MIA3: variants seen among roughly 807,000 people sequenced by gnomAD.
MIA3 encodes MIA SH3 domain ER export factor 3, also known as transport and Golgi organization protein 1 homolog.
Under a neutral mutation model 192.4 loss-of-function variants are expected in MIA3, and 90 were observed. The observed-to-expected ratio is 0.47, with a 90% confidence interval of 0.39 to 0.56. The LOEUF is 0.56. MIA3 is among the 20% of genes least tolerant of loss of function. The probability of loss-of-function intolerance (pLI) is 0.00; values close to 1 mark genes in which losing one functional copy is unlikely to be tolerated. For synonymous variants in MIA3, 740 were observed against 792.8 expected, an observed-to-expected ratio of 0.93 and a Z score of 1.12; for missense variants, 2,123 against 2,269.4, an observed-to-expected ratio of 0.94 and a Z score of 1.31.
At position 222,656,379 on chromosome 1, in the gene MIA3, G is replaced by A. The variant is rs565253747; in HGVS notation, c.4607+1586G>A. ...TTCTGCTGGTTCTGGAATTTCGATA[G>A]TTGTTTAGTATCAGCACTTTAAAGA... On this transcript the variant is annotated intron_variant, in intron 18 of 27. Coordinates refer to ENST00000344922, the MANE Select transcript of MIA3 (RefSeq NM_198551.4). 2.6e-5 allele frequency among the ~76,000 whole-genome samples: 4 copies of A among 152,258 alleles called. No individual in the cohort carries two copies. In the South Asian group the frequency reaches 8.3e-4, roughly 32 times the overall value.
In MIA3 at chr1:222,629,406, AACT is replaced by A. The variant is rs760979748; in HGVS notation, c.2191_2193del (p.Leu731del). On this transcript the variant is annotated inframe_deletion, in exon 4 of 28. Transcript: ENST00000344922. ...GAAGAGGATGATTATCCCTCTGAAG[AACT>A]ACTAGAGGATGAAAACGCTATAAAT... The A allele has an allele frequency of 3.9e-5, 63 of 1,614,234 alleles. No individual in the cohort carries two copies. In the South Asian group the frequency reaches 6.8e-4, roughly 17 times the overall value.
intron 1 of MIA3, among the ~76,000 whole-genome samples, chr1:222,619,504 CT>C: frequency 6.6e-6 from 1 of 152,150 alleles, no homozygotes; most frequent in Non-Finnish European, 1.5e-5. Flanking sequence ...GAAGCCATTC[CT>C]AGAGATAACC....
intron 6 of MIA3, among the ~76,000 whole-genome samples, chr1:222,644,787 T>TTA (rs1326707595): frequency 6.6e-6 from 1 of 151,878 alleles, no homozygotes; most frequent in African/African-American, 2.4e-5. Flanking sequence ...TTTTTTTTTT[T>TTA]ATTGAGTACT....
Position 222,629,259 on chromosome 1 carries a change from G to C in MIA3, c.2039G>C (p.Gly680Ala). ...AGTGAGAAGATAAGGCTCTCTGAGG[G>C]AGAAGCCAAAGAGGACTCCTTGGAT... ...QMSEKIRLSE[G>A]EAKEDSLDEE... is the part of the protein sequence containing the mutation. Residue 680 changes from glycine to alanine, a missense_variant, in exon 4 of 28, where the codon GGA becomes GCA. Physicochemically the swap from Gly to Ala is moderately conservative, Grantham distance 60 (BLOSUM62 0). This residue lies in a region of MIA3 where 1,357 missense variants were observed against 1,396.1 expected (regional missense o/e 0.97). Transcript: ENST00000344922. 1.2e-6 allele frequency: 2 copies of C among 1,614,210 alleles called. No homozygotes were observed. The highest frequency in any genetic ancestry group is 2.2e-5 in the South Asian group (2 of 91,080).
Position 222,621,141 on chromosome 1 carries a change from C to A in MIA3, c.134-18C>A. On this transcript the variant is annotated intron_variant, in intron 1 of 27. Transcript: ENST00000344922. ...ATCCTGATATCTGGCTATTTTTTTT[C>A]TCTCTCTTTATATACAGTGTTAATG... 1 of 1,566,646 alleles carries A rather than the reference C, an allele frequency of 6.4e-7. No homozygotes were observed. Among genetic ancestry groups the A allele is most frequent in the South Asian group, 1.2e-5 (1 of 83,730 alleles).
intron 1 of MIA3, among the ~76,000 whole-genome samples, chr1:222,620,169 G>A (rs760883642): frequency 6.6e-6 from 1 of 152,150 alleles, no homozygotes; most frequent in Non-Finnish European, 1.5e-5. Context: ...TTAAAGGCAC[G>A]TTTTTAATGT....
chr1:222,629,845 C>G lies in MIA3; in HGVS notation c.2625C>G (p.Leu875=). 6.2e-7 allele frequency: 1 copy of G among 1,613,734 alleles called. No individual in the cohort carries two copies. Among genetic ancestry groups the G allele is most frequent in the Non-Finnish European group, 8.5e-7 (1 of 1,179,926 alleles). ...SGLAGEPEGE[L]SKEDHENTEK... ...TTGCAGGGGAGCCTGAGGGAGAACTCTCAAAAGAGGACCATGAGAACACAG... is the reference window on the plus strand; with the variant it reads ...TTGCAGGGGAGCCTGAGGGAGAACTGTCAAAAGAGGACCATGAGAACACAG... The change falls in exon 4 of 28, where the codon CTC becomes CTG. Residue 875 remains leucine (L), a synonymous_variant. Transcript: ENST00000344922.
At chr1:222,652,602 GA>G (rs2124908684) in intron 13 of MIA3, among the ~76,000 whole-genome samples, 1 of 152,288 alleles carries the variant, frequency 6.6e-6, no homozygotes, top group South Asian at 2.1e-4. Flanking sequence ...GAGTAGCCTC[GA>G]GTGGGTAGTA....
rs1461301828 is a variant in MIA3, at chr1:222,630,290, C to T, written c.3070C>T (p.Leu1024Phe). Residue 1024 changes from leucine (L) to phenylalanine (F), a missense_variant, in exon 4 of 28, where the codon CTC becomes TTC. Around this residue, in one of 3 missense-constraint regions of MIA3, gnomAD observed 1,357 missense variants for 1,396.1 expected, o/e 0.97. Coordinates refer to ENST00000344922, the MANE Select transcript of MIA3 (RefSeq NM_198551.4). Reference sequence around the variant, plus strand: ...TGCAGTGCTTGATGACATTCAAGACCTCATCTATTTTGTCAGGTACAAGCA... The same window carrying T: ...TGCAGTGCTTGATGACATTCAAGACTTCATCTATTTTGTCAGGTACAAGCA... ...EAAVLDDIQD[L>F]IYFVRYKHST... 1 of 1,614,112 alleles carries T rather than the reference C, an allele frequency of 6.2e-7. No individual in the cohort carries two copies. The highest frequency in any genetic ancestry group is 1.1e-5 in the South Asian group (1 of 91,062).
Position 222,662,041 on chromosome 1 carries a change from T to TAACA in MIA3, c.5114-14_5114-13insACAA. 6.2e-7 allele frequency: 1 copy of TAACA among 1,608,716 alleles called. No individual in the cohort carries two copies. Among genetic ancestry groups the TAACA allele is most frequent in the East Asian group, 2.2e-5 (1 of 44,862 alleles). ...CAAAAAATACATATAAGGACTCTGTTATTTCTTTCTCAAGGATCAGTGGAC... is the reference window on the plus strand; with the variant it reads ...CAAAAAATACATATAAGGACTCTGTTAACAATTTCTTTCTCAAGGATCAGTGGAC... On this transcript the variant is annotated splice_polypyrimidine_tract_variant and intron_variant, in intron 24 of 27. Coordinates refer to ENST00000344922, the MANE Select transcript of MIA3 (RefSeq NM_198551.4).
intron 6 of MIA3, among the ~76,000 whole-genome samples, chr1:222,636,307 A>G (rs916206557): frequency 6.6e-5 from 10 of 152,146 alleles, no homozygotes; most frequent in Admixed American, 2.6e-4. Context: ...CACTCTGACT[A>G]GCTGGAATTT....
intron 17 of MIA3, 75 bp from the exon 18 acceptor site, chr1:222,654,580 C>T: frequency 6.4e-7 from 1 of 1,567,780 alleles, no homozygotes; most frequent in African/African-American, 1.4e-5. Context: ...TCTCATTTCT[C>T]TCAGCACCAG....
chr1:222,647,535 C>A (rs1274401897), intron 7 of MIA3, among the ~76,000 whole-genome samples: 1 of 152,072 alleles, frequency 6.6e-6, no homozygotes, highest in East Asian at 1.9e-4. Context: ...TCCTGTGAGG[C>A]CTTCTCTAAC....
chr1:222,665,584 C>A lies in MIA3; in HGVS notation c.5689C>A (p.Gln1897Lys). 3.1e-6 allele frequency: 5 copies of A among 1,610,074 alleles called. No homozygotes were observed. Among genetic ancestry groups the A allele is most frequent in the Non-Finnish European group, 4.2e-6 (5 of 1,178,564 alleles). ...EPPPASQSTS[Q>K]DCSQALKQSP ...TCCACCTGCCTCTCAGAGCACTAGC[C>A]AGGACTGTTCACAGGCTTTAAAACA... The change falls in exon 28 of 28, where the codon CAG (glutamine) becomes AAG (lysine). Residue 1897 changes from glutamine to lysine, a missense_variant. This residue lies in a region of MIA3 where 762 missense variants were observed against 856.4 expected (regional missense o/e 0.89). Transcript: ENST00000344922.
In MIA3 at chr1:222,652,222, C is replaced by T. The variant is rs769918007; in HGVS notation, c.3982-6C>T. ...TTAATTCACTAATAGGAGTGTTTTGCATTAGGTTCAGATTGCACTTAATGA... is the reference window on the plus strand; with the variant it reads ...TTAATTCACTAATAGGAGTGTTTTGTATTAGGTTCAGATTGCACTTAATGA... On this transcript the variant is annotated splice_region_variant and splice_polypyrimidine_tract_variant and intron_variant, in intron 12 of 27. Coordinates refer to ENST00000344922, the MANE Select transcript of MIA3 (RefSeq NM_198551.4). 11 of 1,603,044 alleles carry T rather than the reference C, an allele frequency of 6.9e-6. No individual in the cohort carries two copies. Among genetic ancestry groups the T allele is most frequent in the Non-Finnish European group, 8.5e-6 (10 of 1,170,808 alleles).
chr1:222,639,701 T>C (rs1662771729), intron 6 of MIA3, among the ~76,000 whole-genome samples: 1 of 152,094 alleles, frequency 6.6e-6, no homozygotes, highest in Admixed American at 6.5e-5. Flanking sequence ...TACTATGTAA[T>C]TTAAAAAACA....
At chr1:222,652,404 T>A (rs1663488802) in intron 13 of MIA3, 72 bp downstream of exon 13, 3 of 967,554 alleles carry the variant, frequency 3.1e-6, no homozygotes, top group Non-Finnish European at 5.0e-6. Flanking sequence ...ATGCCTTTAC[T>A]CAGATCTATT....
intron 27 of MIA3, chr1:222,665,106 G>A: frequency 1.8e-6 from 1 of 557,030 alleles, no homozygotes; most frequent in Non-Finnish European, 3.2e-6. Context: ...GTCTGAGGTG[G>A]GAGGATTGAT....
intron 18 of MIA3, among the ~76,000 whole-genome samples, chr1:222,655,131 T>G (rs1663650534): frequency 6.6e-6 from 1 of 152,280 alleles, no homozygotes; most frequent in African/African-American, 2.4e-5. Flanking sequence ...TGGTCAATTA[T>G]GTAATTTCCT....
Sources: allele counts gnomAD v4.1 joint callset (sites outside exome capture counted in the v4.1 genomes callset), GRCh38; gene constraint gnomAD v4.1.1; regional missense constraint gnomAD v4.1.1; transcripts MANE v1.5; gene names NCBI Gene and HGNC (gene_info 2026-07-23, HGNC 2026-07-21).